SP110: variants seen among roughly 807,000 people sequenced by gnomAD.
SP110 encodes the protein interferon-induced protein 41, 30kD.
A neutral mutation model predicts 92.7 loss-of-function variants in SP110; 62 were observed. That is an observed-to-expected ratio of 0.67 (90% confidence interval 0.55 to 0.83). The LOEUF (loss-of-function observed/expected upper bound fraction) is 0.83, where lower values mean the gene tolerates loss of function less well. SP110 is among the 40% of genes least tolerant of loss of function. The pLI is 0.00. For synonymous variants in SP110, 273 were observed against 305.3 expected (o/e 0.89, Z 1.10); for missense variants, 793 against 863.9 (o/e 0.92, Z 1.03).
intron 15 of SP110, chr2:230,172,441 G>A: frequency 1.8e-6 from 1 of 565,296 alleles, no homozygotes; most frequent in East Asian, 3.0e-5. Flanking sequence ...GGAGCACAAA[G>A]GAACCCTGCC....
At chr2:230,219,999 A>G (rs146776742), upstream of SP110, 182 of 985,626 alleles carry the variant, frequency 1.8e-4, no homozygotes, top group African/African-American at 3.0e-3. Context: ...TGACAAACGC[A>G]GTAAGGGGCC....
chr2:230,221,901 C>T (rs967485118), upstream of SP110: 22 of 639,766 alleles, frequency 3.4e-5, no homozygotes, highest in African/African-American at 7.3e-5. Context: ...AAGACAGCTG[C>T]GAATGAGGAT....
At chr2:230,218,514 G>T (rs1487650162) in intron 1 of SP110, among the ~76,000 whole-genome samples, 2 of 152,200 alleles carry the variant, frequency 1.3e-5, no homozygotes, top group African/African-American at 4.8e-5. Flanking sequence ...TGCAAAGTCA[G>T]AGAAAGGCAG....
intron 2 of SP110, among the ~76,000 whole-genome samples, chr2:230,215,827 C>A (rs991590484): frequency 3.9e-5 from 6 of 152,168 alleles, no homozygotes; most frequent in African/African-American, 1.2e-4. Context: ...TACCCATTTA[C>A]AATTGAGAGT....
Position 230,215,943 on chromosome 2 carries a change from G to T in SP110, c.148-825C>A, listed in dbSNP as rs1332389020. On this transcript the variant is annotated intron_variant, in intron 2 of 18. Coordinates refer to ENST00000258381, the MANE Select transcript of SP110 (RefSeq NM_080424.4). ...GTCTCTGAGGAGTGCTCTCTGGGCT[G>T]TGATCTGAAGAGGGAGTTGGGGCCA... Among the ~76,000 whole-genome samples, 4 of 152,216 alleles carry T rather than the reference G, an allele frequency of 2.6e-5. No homozygotes were observed. The East Asian group carries it at 7.7e-4, about 29-fold the overall frequency.
chr2:230,185,587 G>C (rs2042320531), intron 11 of SP110, among the ~76,000 whole-genome samples: 1 of 152,130 alleles, frequency 6.6e-6, no homozygotes, highest in Admixed American at 6.5e-5. Context: ...ATGCAGACTT[G>C]ACCAAGCAAC....
chr2:230,170,534 TGA>T, intron 18 of SP110, 85 bp downstream of exon 18: 1 of 1,489,910 alleles, frequency 6.7e-7, no homozygotes, highest in South Asian at 1.1e-5. Flanking sequence ...AGGCTGAAAC[TGA>T]GTGTAATACT....
rs1398219754 is a variant in SP110, at chr2:230,212,975, G to T, written c.369C>A (p.Ala123=). 5.0e-6 allele frequency: 8 copies of T among 1,614,036 alleles called. No homozygotes were observed. Among genetic ancestry groups the T allele is most frequent in the Non-Finnish European group, 6.8e-6 (8 of 1,179,962 alleles). ...AGCTTCCTTCTGCTAGGCCAGTTGG[G>T]GCTTCAAGTAGGATTGGTGTGTCTC... ...QSRDTPILLE[A]PTGLAEGSSL... The change falls in exon 4 of 19, where the codon GCC becomes GCA. Residue 123 remains alanine, a synonymous_variant. Coordinates refer to ENST00000258381, the MANE Select transcript of SP110 (RefSeq NM_080424.4).
intron 2 of SP110, 60 bp from the exon 3 acceptor site, chr2:230,215,178 A>G: frequency 7.3e-7 from 1 of 1,366,388 alleles, no homozygotes; most frequent in Non-Finnish European, 1.0e-6. Context: ...GAAGTTATAC[A>G]TTTATGGTTT....
Position 230,175,945 on chromosome 2 carries a change from C to CTTTTTTTTTTTTTT in SP110, c.1590+1579_1590+1592dup, listed in dbSNP as rs34906767. Among the ~76,000 whole-genome samples, 77 of 130,752 alleles carry CTTTTTTTTTTTTTT rather than the reference C, an allele frequency of 5.9e-4. 2 individuals are homozygous for CTTTTTTTTTTTTTT. Among genetic ancestry groups the CTTTTTTTTTTTTTT allele is most frequent in the Non-Finnish European group, 6.5e-4 (40 of 61,290 alleles). The allele number at this position is 130,752 out of a possible 152,430, so 85.8% of individuals were successfully genotyped here. The stretch of plus-strand genomic sequence containing the variant: ...CTTTTGCTTTTCATGCTGCAGCATT[C>CTTTTTTTTTTTTTT]TTTTTTTTTTTTTTCTGAGACAGGG... On this transcript the variant is annotated intron_variant, in intron 14 of 18. Coordinates refer to ENST00000258381, the MANE Select transcript of SP110 (RefSeq NM_080424.4).
intron 14 of SP110, among the ~76,000 whole-genome samples, chr2:230,175,171 G>C (rs966572235): frequency 1.3e-5 from 2 of 151,878 alleles, no homozygotes; most frequent in Admixed American, 6.6e-5. Context: ...GATTCTTTTG[G>C]CTATTTTTTC....
At chr2:230,199,128 CTATTAT>C in intron 10 of SP110, among the ~76,000 whole-genome samples, 1 of 140,310 alleles carries the variant, frequency 7.1e-6, no homozygotes, top group African/African-American at 2.8e-5. Context: ...GCTTTAGCTA[CTATTAT>C]TATTATTATT....
intron 14 of SP110, 75 bp from the exon 15 acceptor site, chr2:230,173,034 CACAT>C: frequency 2.0e-6 from 2 of 1,005,700 alleles, no homozygotes; most frequent in South Asian, 2.6e-5. Context: ...GGTTCTAGAA[CACAT>C]CATTTTTGTG....
intron 10 of SP110, among the ~76,000 whole-genome samples, chr2:230,194,991 G>A (rs2042800545): frequency 6.6e-6 from 1 of 152,060 alleles, no homozygotes; most frequent in Non-Finnish European, 1.5e-5. Flanking sequence ...AGCTGGTCAG[G>A]TGAGGGGCCT....
chr2:230,222,524 G>C (rs139981024), upstream of SP110, among the ~76,000 whole-genome samples: 316 of 152,162 alleles, frequency 2.1e-3, 3 homozygotes, highest in Non-Finnish European at 3.6e-3. Flanking sequence ...TTTGAGACCA[G>C]CCTGGACAAC....
Position 230,169,191 on chromosome 2 carries a change from T to A in SP110, c.2075A>T (p.Glu692Val). The A allele has an allele frequency of 6.2e-7, 1 of 1,614,054 alleles. No homozygotes were observed. The highest frequency in any genetic ancestry group is 8.5e-7 in the Non-Finnish European group (1 of 1,179,918). The change falls in exon 19 of 19, where the codon GAA (glutamate) becomes GTA (valine). Residue 692 changes from glutamate to valine, a missense_variant. Coordinates refer to ENST00000258381, the MANE Select transcript of SP110 (RefSeq NM_080424.4). ...QVGLDLEAEF[E>V]KDLKDVLGFH... ...ACCGAGCACGTCTTTGAGATCTTTT[T>A]CAAATTCTGCCTCTAAGTCAAGTCC... is the stretch of plus-strand genomic sequence containing the variant.
rs561049045 is a variant in SP110, at chr2:230,167,905, A to G, written c.*1219T>C. On this transcript the variant is annotated 3_prime_UTR_variant, in exon 19 of 19. Coordinates refer to ENST00000258381, the MANE Select transcript of SP110 (RefSeq NM_080424.4). The stretch of plus-strand genomic sequence containing the variant: ...GCAATAGATAGCTAATACACCATCA[A>G]AGAGTTCTGGGGTCATTTCAAAACA... 26 of 152,270 alleles carry G rather than the reference A, an allele frequency of 1.7e-4. No homozygotes were observed. Among genetic ancestry groups the G allele is most frequent in the African/African-American group, 6.3e-4 (26 of 41,554 alleles). The allele number at this position is 152,270 out of a possible 1,614,324, so 9.4% of individuals were successfully genotyped here.
At chr2:230,205,703 T>C (rs918007512) in intron 8 of SP110, among the ~76,000 whole-genome samples, 1 of 152,228 alleles carries the variant, frequency 6.6e-6, no homozygotes, top group Non-Finnish European at 1.5e-5. Flanking sequence ...GACTAGGTTT[T>C]TGGTAAAGAA....
chr2:230,216,664 A>C, intron 2 of SP110, 117 bp downstream of exon 2: 6 of 1,221,562 alleles, frequency 4.9e-6, no homozygotes, highest in Non-Finnish European at 6.0e-6. Context: ...GATAATGAAC[A>C]TGCCTGGGCT....
Sources: gnomAD v4.1 joint callset for allele counts (sites outside exome capture counted in the v4.1 genomes callset) on GRCh38, gnomAD v4.1.1 for gene constraint, MANE v1.5 for transcripts, NCBI Gene and HGNC (gene_info 2026-07-23, HGNC 2026-07-21) for gene names.